Variants in BLZF1 observed in about 807,000 individuals in gnomAD.
BLZF1 encodes the protein basic leucine zipper nuclear factor 1.
Under a neutral mutation model 43.8 loss-of-function variants are expected in BLZF1, and 39 were observed. The ratio of observed to expected loss-of-function variants is 0.89; its 90% CI spans 0.69 to 1.16. The LOEUF (loss-of-function observed/expected upper bound fraction) is 1.16. BLZF1 is among the 50% of genes most tolerant of loss of function. BLZF1 has a pLI of 0.00. For synonymous variants in BLZF1, 136 were observed against 159.4 expected (o/e 0.85, Z 1.11); for missense variants, 449 against 469.8 (o/e 0.96, Z 0.41).
intron 3 of BLZF1, chr1:169,377,195 G>A (rs1654387042): frequency 1.9e-6 from 1 of 516,878 alleles, no homozygotes; most frequent in African/African-American, 2.0e-5. Flanking sequence ...GAAGATGGAG[G>A]TGTGAGGTGC....
chr1:169,370,708 C>T (rs1654091127), intron 2 of BLZF1, among the ~76,000 whole-genome samples: 1 of 152,102 alleles, frequency 6.6e-6, no homozygotes, highest in Admixed American at 6.5e-5. Flanking sequence ...CTTTCTTTTT[C>T]AGCCTCTTCT....
chr1:169,377,112 C>T, intron 3 of BLZF1, 133 bp downstream of exon 3: 6 of 762,960 alleles, frequency 7.9e-6, no homozygotes. Flanking sequence ...AAAATGCTTC[C>T]TCTTAAATTT....
intron 6 of BLZF1, among the ~76,000 whole-genome samples, chr1:169,385,831 G>A (rs1279205657): frequency 6.6e-6 from 1 of 152,116 alleles, no homozygotes; most frequent in Non-Finnish European, 1.5e-5. Flanking sequence ...AAAAAAATCT[G>A]CAGGACCACA....
chr1:169,383,003 C>T (rs1230779075), intron 6 of BLZF1, among the ~76,000 whole-genome samples: 1 of 151,948 alleles, frequency 6.6e-6, no homozygotes, highest in Non-Finnish European at 1.5e-5. Flanking sequence ...ATCTCATCAG[C>T]TCACTCTTTT....
chr1:169,380,847 T>C (rs920102760), intron 5 of BLZF1, among the ~76,000 whole-genome samples: 1 of 152,220 alleles, frequency 6.6e-6, no homozygotes, highest in East Asian at 1.9e-4. Context: ...ATATCTGTAG[T>C]AGAAGGATTC....
At chr1:169,374,256 A>ACAT (rs1227164094) in intron 2 of BLZF1, among the ~76,000 whole-genome samples, 13 of 151,874 alleles carry the variant, frequency 8.6e-5, no homozygotes, top group Admixed American at 2.0e-4. Flanking sequence ...TCATGGTGGC[A>ACAT]CATGCCTGTA....
At chr1:169,392,269 C>T (rs916019750), downstream of BLZF1, among the ~76,000 whole-genome samples, 5 of 152,166 alleles carry the variant, frequency 3.3e-5, no homozygotes, top group East Asian at 1.9e-4. Context: ...GAATTGTAAA[C>T]GCCGTGAATA....
chr1:169,369,193 C>T (rs1654013434), intron 1 of BLZF1, among the ~76,000 whole-genome samples: 9 of 151,994 alleles, frequency 5.9e-5, no homozygotes, highest in Admixed American at 5.9e-4. Context: ...ATTCCCTTTG[C>T]TTGGCTAAAA....
chr1:169,381,960 A>T, intron 5 of BLZF1, 102 bp from the exon 6 acceptor site: 1 of 888,806 alleles, frequency 1.1e-6, no homozygotes, highest in Non-Finnish European at 1.7e-6. Flanking sequence ...TCAGAGAAAG[A>T]TGTTATATAA....
chr1:169,385,105 C>T (rs1046059076), intron 6 of BLZF1, among the ~76,000 whole-genome samples: 7 of 152,152 alleles, frequency 4.6e-5, no homozygotes, highest in East Asian at 1.9e-4. Flanking sequence ...CTATTCTTTC[C>T]GAGGTTTATA....
intron 2 of BLZF1, among the ~76,000 whole-genome samples, chr1:169,375,393 CATATATATAT>C (rs58679820): frequency 0.016 from 1,413 of 85,822 alleles, 61 homozygotes; most frequent in African/African-American, 0.059. Context: ...ATATATAAAA[CATATATATAT>C]ATATATATAT....
chr1:169,384,449 A>G (rs1654614183), intron 6 of BLZF1, among the ~76,000 whole-genome samples: 1 of 152,184 alleles, frequency 6.6e-6, no homozygotes, highest in Non-Finnish European at 1.5e-5. Flanking sequence ...AGGCCAAATC[A>G]GTCATCAAAC....
At chr1:169,394,167 C>G (rs1654892910) in intron 7 of BLZF1, among the ~76,000 whole-genome samples, 1 of 152,246 alleles carries the variant, frequency 6.6e-6, no homozygotes, top group Admixed American at 6.5e-5. Flanking sequence ...TATATAGTTT[C>G]CTTCTCTGCA....
At chr1:169,386,864 T>G in intron 6 of BLZF1, 133 bp from the exon 7 acceptor site, 1 of 595,736 alleles carries the variant, frequency 1.7e-6, no homozygotes, top group Non-Finnish European at 2.8e-6. Flanking sequence ...TCAATCAGAT[T>G]AGTCATTCTG....
At position 169,373,968 on chromosome 1, in the gene BLZF1, TTA is replaced by T. The variant is rs369456216; in HGVS notation, c.29-2569_29-2568del. 2.0e-3 allele frequency among the ~76,000 whole-genome samples: 298 copies of T among 152,196 alleles called. 4 individuals are homozygous for T. The highest frequency in any genetic ancestry group is 7.0e-3 in the African/African-American group (289 of 41,520). On this transcript the variant is annotated intron_variant, in intron 2 of 6. Coordinates refer to ENST00000367808, the MANE Select transcript of BLZF1 (RefSeq NM_001320973.2). ...TTTATTGTTGATGGTTTTTATTAATTTATAGTTAATACATGATTCTGTGTTAC... is the reference window on the plus strand; with the variant it reads ...TTTATTGTTGATGGTTTTTATTAATTTAGTTAATACATGATTCTGTGTTAC...
At chr1:169,378,099 AG>A (rs958275022) in intron 3 of BLZF1, among the ~76,000 whole-genome samples, 1 of 151,920 alleles carries the variant, frequency 6.6e-6, no homozygotes, top group African/African-American at 2.4e-5. Flanking sequence ...TTACTACAAG[AG>A]GCTCAGTTTA....
Position 169,387,770 on chromosome 1 carries a change from G to A in BLZF1, c.*588G>A, listed in dbSNP as rs1654716600. The stretch of plus-strand genomic sequence containing the variant: ...CTACAAAAGAGCCTTGCAGAAATGG[G>A]TGAAGGGATTAATCTTTTAAAAATA... On this transcript the variant is annotated 3_prime_UTR_variant, in exon 7 of 7. Transcript: ENST00000367808. The A allele has an allele frequency of 6.6e-6, 1 of 152,124 alleles. No individual in the cohort carries two copies. Among genetic ancestry groups the A allele is most frequent in the African/African-American group, 2.4e-5 (1 of 41,418 alleles). 9.4% of individuals were successfully genotyped at this position (152,124 alleles called of 1,614,324 possible).
intron 2 of BLZF1, among the ~76,000 whole-genome samples, chr1:169,374,219 A>C (rs1654218712): frequency 6.6e-6 from 1 of 150,882 alleles, no homozygotes; most frequent in Admixed American, 6.6e-5. Flanking sequence ...AAAAAAAAAT[A>C]CAAAAAAAAT....
intron 2 of BLZF1, among the ~76,000 whole-genome samples, chr1:169,375,393 C>CATATATACATATATATATATATATATAT (rs1654275815): frequency 1.2e-5 from 1 of 85,836 alleles, no homozygotes; most frequent in African/African-American, 4.8e-5. Context: ...ATATATAAAA[C>CATATATACATATATATATATATATATAT]ATATATATAT....
Sources: gnomAD v4.1 joint callset for allele counts (sites outside exome capture counted in the v4.1 genomes callset) on GRCh38, gnomAD v4.1.1 for gene constraint, MANE v1.5 for transcripts, NCBI Gene and HGNC (gene_info 2026-07-23, HGNC 2026-07-21) for gene names.